The following PAMR1 variants were observed in gnomAD, a reference collection of about 807,000 sequenced individuals.
PAMR1 encodes peptidase domain containing associated with muscle regeneration 1.
PAMR1 carries 88 observed loss-of-function variants against 81.8 expected under a neutral mutation model. The ratio of observed to expected loss-of-function variants is 1.08; its 90% CI spans 0.91 to 1.28. PAMR1 has a LOEUF of 1.28. Ranked by LOEUF, PAMR1 falls within the 50% of genes most tolerant of loss-of-function variation. The pLI, the probability that PAMR1 is intolerant of heterozygous loss-of-function variation, is 0.00. For missense variants in PAMR1, 935 were observed against 919.7 expected, an observed-to-expected ratio of 1.02 and a Z score of -0.21; for synonymous variants, 336 against 345.3, an observed-to-expected ratio of 0.97 and a Z score of 0.30.
chr11:35,442,204 A>G (rs556863910), intron 6 of PAMR1, among the ~76,000 whole-genome samples: 2 of 152,360 alleles, frequency 1.3e-5, no homozygotes, highest in African/African-American at 4.8e-5. Context: ...ATCTCTAGGA[A>G]AATAAGTGTA....
chr11:35,521,466 A>T (rs1003322635), intron 1 of PAMR1, among the ~76,000 whole-genome samples: 11 of 152,154 alleles, frequency 7.2e-5, no homozygotes, highest in African/African-American at 2.7e-4. Context: ...TGAGAGGTGG[A>T]GTGTCAGACC....
At chr11:35,478,900 C>T (rs765668856) in intron 3 of PAMR1, among the ~76,000 whole-genome samples, 1 of 152,006 alleles carries the variant, frequency 6.6e-6, no homozygotes, top group Non-Finnish European at 1.5e-5. Context: ...CTGGACTGTG[C>T]CCTGAGCTCT....
chr11:35,511,388 C>T (rs866522570), intron 1 of PAMR1, among the ~76,000 whole-genome samples: 2 of 152,210 alleles, frequency 1.3e-5, no homozygotes, highest in Non-Finnish European at 2.9e-5. Context: ...TTAAGGTCAA[C>T]CTGAAAAGAC....
At chr11:35,529,778 G>C (rs191125336), upstream of PAMR1, 24 of 152,308 alleles carry the variant, frequency 1.6e-4, no homozygotes, top group East Asian at 3.7e-3. Context: ...AAAAGACAAA[G>C]TGGCATGCTG....
chr11:35,524,674 C>T (rs537492954), intron 1 of PAMR1, among the ~76,000 whole-genome samples: 51 of 152,246 alleles, frequency 3.3e-4, no homozygotes, highest in African/African-American at 1.1e-3. Flanking sequence ...CACTTTACCC[C>T]CTGGGCCATA....
At chr11:35,480,809 A>G (rs1245122082) in intron 3 of PAMR1, among the ~76,000 whole-genome samples, 1 of 152,148 alleles carries the variant, frequency 6.6e-6, no homozygotes, top group Non-Finnish European at 1.5e-5. Flanking sequence ...CTAGGTTTTA[A>G]GCCCTGCATG....
At chr11:35,474,095 C>T (rs1352995539) in intron 4 of PAMR1, among the ~76,000 whole-genome samples, 1 of 152,232 alleles carries the variant, frequency 6.6e-6, no homozygotes, top group South Asian at 2.1e-4. Context: ...AGGATCTATA[C>T]TTTGGACTGT....
chr11:35,485,553 G>A (rs1342250550), intron 3 of PAMR1, among the ~76,000 whole-genome samples: 2 of 152,216 alleles, frequency 1.3e-5, no homozygotes, highest in African/African-American at 4.8e-5. Context: ...GCCTCAGGCC[G>A]TTTGCCCATC....
At position 35,441,644 on chromosome 11, in the gene PAMR1, G is replaced by T; in HGVS notation, c.870C>A (p.Tyr290Ter). 2 of 1,613,844 alleles carry T rather than the reference G, an allele frequency of 1.2e-6. No individual in the cohort carries two copies. The highest frequency in any genetic ancestry group is 1.7e-6 in the Non-Finnish European group (2 of 1,179,828). The change falls in exon 7 of 11, where the codon TAC becomes TAA. Residue 290 changes from tyrosine (Y) to a stop codon, truncating the protein, a stop_gained. Coordinates refer to ENST00000619888, the MANE Select transcript of PAMR1 (RefSeq NM_001001991.3). LOFTEE classifies it high-confidence loss of function. Reference protein sequence around the residue: ...CSDPGGPVNGYQKITGGPGLI... With the variant: ...CSDPGGPVNG ...GCCCAGGGCCCCCTGTTATTTTCTG[G>T]TACCCATTGACTGGGCCCCCAGGGT...
At chr11:35,461,002 A>G (rs1856642759) in intron 6 of PAMR1, among the ~76,000 whole-genome samples, 1 of 152,194 alleles carries the variant, frequency 6.6e-6, no homozygotes, top group Admixed American at 6.5e-5. Flanking sequence ...AATGATCGCC[A>G]TTCTAACTGG....
rs577444075 is a variant in PAMR1 at position 35,502,964 on chromosome 11, T to G, written c.74-8692A>C. On this transcript the variant is annotated intron_variant, in intron 1 of 10. Transcript: ENST00000619888. ...TCCCCAATGTTTACTTTTAGTAGCT[T>G]CATAGTTTCATGTTGGATTTAGTTT... 4.5e-4 allele frequency among the ~76,000 whole-genome samples: 67 copies of G among 150,078 alleles called. 1 individual carries two copies. The South Asian group carries it at 0.013, about 29-fold the overall frequency.
At chr11:35,526,591 C>T (rs986634614), upstream of PAMR1, among the ~76,000 whole-genome samples, 1 of 152,212 alleles carries the variant, frequency 6.6e-6, no homozygotes, top group Non-Finnish European at 1.5e-5. Context: ...ATTAGAGAAA[C>T]GGAACCATTG....
intron 3 of PAMR1, among the ~76,000 whole-genome samples, chr11:35,485,799 GA>G (rs11479018): frequency 0.83 from 126,014 of 151,966 alleles, 52,527 homozygotes; most frequent in African/African-American, 0.9. Flanking sequence ...TGGTACTCAG[GA>G]AAAAAAAATG....
intron 1 of PAMR1, among the ~76,000 whole-genome samples, chr11:35,495,025 C>A (rs780744588): frequency 6.6e-6 from 1 of 152,180 alleles, no homozygotes; most frequent in African/African-American, 2.4e-5. Flanking sequence ...AGATCCATAG[C>A]GAGCCATTAA....
chr11:35,480,875 C>T (rs1022297487), intron 3 of PAMR1, among the ~76,000 whole-genome samples: 3 of 152,094 alleles, frequency 2.0e-5, no homozygotes, highest in African/African-American at 7.2e-5. Flanking sequence ...CCCTGACACG[C>T]TCTGGTGTGT....
chr11:35,453,972 A>G (rs2135358376), intron 6 of PAMR1, among the ~76,000 whole-genome samples: 1 of 152,358 alleles, frequency 6.6e-6, no homozygotes. Context: ...AAAAATAGGA[A>G]TCAAAGGTGC....
rs751629158 is a variant in PAMR1, at chr11:35,434,541, G to A, written c.1597C>T (p.Arg533Trp). Reference sequence around the variant, plus strand: ...AGGCTCTGGATGGTCTTCTCATCCCGGTCATCATCCCGGTAGAATTTCCCC... The same window carrying A: ...AGGCTCTGGATGGTCTTCTCATCCCAGTCATCATCCCGGTAGAATTTCCCC... Reference protein sequence around the residue: ...VLGKFYRDDDRDEKTIQSLQI... With the variant: ...VLGKFYRDDDWDEKTIQSLQI... Residue 533 changes from arginine (R) to tryptophan (W), a missense_variant, in exon 10 of 11, where the codon CGG becomes TGG. Physicochemically the swap from Arg to Trp is moderately radical, Grantham distance 101. Coordinates refer to ENST00000619888, the MANE Select transcript of PAMR1 (RefSeq NM_001001991.3). 69 of 1,613,646 alleles carry A rather than the reference G, an allele frequency of 4.3e-5. No individual in the cohort carries two copies. The East Asian group carries it at 6.0e-4, about 14-fold the overall frequency.
chr11:35,443,091 A>T (rs755124896), intron 6 of PAMR1, among the ~76,000 whole-genome samples: 9 of 152,074 alleles, frequency 5.9e-5, no homozygotes, highest in Non-Finnish European at 1.3e-4. Context: ...CTCCTCTTCT[A>T]GTAGACTCCC....
intron 3 of PAMR1, among the ~76,000 whole-genome samples, chr11:35,475,533 G>T (rs1401801989): frequency 6.6e-6 from 1 of 152,200 alleles, no homozygotes; most frequent in Non-Finnish European, 1.5e-5. Context: ...CTTTAAATTA[G>T]ATCATGTTTT....
Sources: gnomAD v4.1 joint callset for allele counts (sites outside exome capture counted in the v4.1 genomes callset) on GRCh38, gnomAD v4.1.1 for gene constraint, MANE v1.5 for transcripts, NCBI Gene and HGNC (gene_info 2026-07-23, HGNC 2026-07-21) for gene names.